Variants in SNX13 observed in about 807,000 individuals in gnomAD.
The protein encoded by SNX13 is sorting nexin 13.
SNX13 carries 45 observed loss-of-function variants against 133.6 expected under a neutral mutation model. The ratio of observed to expected loss-of-function variants is 0.34; its 90% confidence interval spans 0.27 to 0.43. SNX13 has a LOEUF of 0.43. SNX13 is among the 20% of genes least tolerant of loss of function. The probability of loss-of-function intolerance (pLI) is 1.00; values close to 1 mark genes in which losing one functional copy is unlikely to be tolerated. For missense variants in SNX13, 1,032 were observed against 1,145.1 expected (o/e 0.90, Z 1.43); for synonymous variants, 414 against 373.9 (o/e 1.11, Z -1.24).
intron 9 of SNX13, among the ~76,000 whole-genome samples, chr7:17,856,350 T>C (rs1791881159): frequency 6.6e-6 from 1 of 152,084 alleles, no homozygotes; most frequent in African/African-American, 2.4e-5. Context: ...AATTAAAACA[T>C]ACTACCAGAG....
intron 20 of SNX13, among the ~76,000 whole-genome samples, chr7:17,811,218 G>A (rs1562678002): frequency 6.6e-6 from 1 of 152,170 alleles, no homozygotes; most frequent in Admixed American, 6.5e-5. Flanking sequence ...AATTATCTCT[G>A]TTTGCAGATG....
chr7:17,801,677 T>C lies in SNX13; in HGVS notation c.2227-18A>G, dbSNP rs779823578. ...GGAGGCACCTAAAAATAAAACCAAA[T>C]CCACAAAGTAAACACACTAAAGCAG... On this transcript the variant is annotated intron_variant, in intron 21 of 25. Transcript: ENST00000428135. 1 of 1,584,954 alleles carries C rather than the reference T, an allele frequency of 6.3e-7. No individual in the cohort carries two copies. Among genetic ancestry groups the C allele is most frequent in the Non-Finnish European group, 8.6e-7 (1 of 1,161,996 alleles).
chr7:17,829,317 T>C (rs1788229037), intron 16 of SNX13, among the ~76,000 whole-genome samples: 1 of 151,508 alleles, frequency 6.6e-6, no homozygotes, highest in African/African-American at 2.4e-5. Context: ...AACGCTAATA[T>C]TTCTTCCTAA....
intron 5 of SNX13, chr7:17,882,621 TA>T (rs201649630): frequency 8.7e-4 from 164 of 189,200 alleles, no homozygotes; most frequent in South Asian, 1.9e-3. Flanking sequence ...CCTATATACT[TA>T]AAAAAAAATA....
chr7:17,912,680 G>A (rs1034167966), intron 1 of SNX13, among the ~76,000 whole-genome samples: 1 of 152,124 alleles, frequency 6.6e-6, no homozygotes, highest in African/African-American at 2.4e-5. Flanking sequence ...TCAAAGTGCT[G>A]GGATTACAGG....
At chr7:17,859,213 T>G (rs1336815829) in intron 9 of SNX13, among the ~76,000 whole-genome samples, 1 of 152,056 alleles carries the variant, frequency 6.6e-6, no homozygotes, top group East Asian at 1.9e-4. Context: ...AGAACTTCTA[T>G]GTAGAATATA....
intron 5 of SNX13, among the ~76,000 whole-genome samples, chr7:17,885,923 CTGTAA>C: frequency 6.6e-6 from 1 of 152,164 alleles, no homozygotes; most frequent in Non-Finnish European, 1.5e-5. Flanking sequence ...TTTTGCTGTA[CTGTAA>C]TAAATATAAT....
chr7:17,802,555 T>G (rs182999751), intron 21 of SNX13, among the ~76,000 whole-genome samples: 92 of 152,184 alleles, frequency 6.0e-4, no homozygotes, highest in Admixed American at 2.8e-3. Context: ...ATATGAGTAA[T>G]GAACAGCAGA....
intron 1 of SNX13, among the ~76,000 whole-genome samples, chr7:17,924,177 T>C (rs914600134): frequency 1.3e-5 from 2 of 152,168 alleles, no homozygotes; most frequent in African/African-American, 4.8e-5. Context: ...AATGACACCA[T>C]CAAGAAAATG....
At chr7:17,810,255 A>T (rs1347318668) in intron 20 of SNX13, among the ~76,000 whole-genome samples, 2 of 152,164 alleles carry the variant, frequency 1.3e-5, no homozygotes, top group Non-Finnish European at 2.9e-5. Flanking sequence ...GAGAAGAATC[A>T]AATAGACACA....
At position 17,826,107 on chromosome 7, in the gene SNX13, C is replaced by G. The variant is rs986207652; in HGVS notation, c.1636-16G>C. The G allele has an allele frequency of 2.0e-6, 3 of 1,510,386 alleles. No homozygotes were observed. The highest frequency in any genetic ancestry group is 2.7e-6 in the Non-Finnish European group (3 of 1,125,494). 93.6% of individuals were successfully genotyped at this position (1,510,386 alleles called of 1,614,324 possible). ...CATCTAAAGACTGAGAAAAAAAAATCAGGAAACAAATTTTTAAAATTTTAT... is the reference window on the plus strand; with the variant it reads ...CATCTAAAGACTGAGAAAAAAAAATGAGGAAACAAATTTTTAAAATTTTAT... On this transcript the variant is annotated splice_polypyrimidine_tract_variant and intron_variant, in intron 16 of 25. Transcript: ENST00000428135.
At chr7:17,889,847 T>C (rs1056223822) in intron 5 of SNX13, 2 of 152,158 alleles carry the variant, frequency 1.3e-5, no homozygotes, top group African/African-American at 4.8e-5. Context: ...CTCACCAAAA[T>C]ATACTTCTTT....
chr7:17,928,150 C>G (rs1281746750), intron 1 of SNX13, among the ~76,000 whole-genome samples: 1 of 152,182 alleles, frequency 6.6e-6, no homozygotes, highest in Non-Finnish European at 1.5e-5. Context: ...CACTTCATTT[C>G]TTTCTTATGA....
chr7:17,938,776 G>C (rs1156748426), intron 1 of SNX13, among the ~76,000 whole-genome samples: 1 of 152,098 alleles, frequency 6.6e-6, no homozygotes, highest in Non-Finnish European at 1.5e-5. Flanking sequence ...CTAAGTTTAA[G>C]GAAAAGATCA....
At chr7:17,868,158 A>AT (rs914283776) in intron 9 of SNX13, 5 of 381,598 alleles carry the variant, frequency 1.3e-5, no homozygotes, top group East Asian at 5.3e-5. Context: ...AAAATATTCT[A>AT]TTTTTTTAAA....
At chr7:17,827,142 C>T (rs374517507) in intron 16 of SNX13, among the ~76,000 whole-genome samples, 5 of 152,044 alleles carry the variant, frequency 3.3e-5, no homozygotes, top group African/African-American at 9.6e-5. Context: ...GGCAACATTT[C>T]ACATGTGTTG....
intron 1 of SNX13, among the ~76,000 whole-genome samples, chr7:17,905,185 A>G (rs1385245815): frequency 6.6e-6 from 1 of 152,144 alleles, no homozygotes; most frequent in Non-Finnish European, 1.5e-5. Flanking sequence ...TAAATATGAA[A>G]CTAAGTAATG....
At chr7:17,929,772 A>G (rs1801182014) in intron 1 of SNX13, among the ~76,000 whole-genome samples, 1 of 152,208 alleles carries the variant, frequency 6.6e-6, no homozygotes, top group Non-Finnish European at 1.5e-5. Context: ...CTGGTTAGCC[A>G]AAAATTGTGG....
At chr7:17,807,514 T>C (rs925378059) in intron 20 of SNX13, among the ~76,000 whole-genome samples, 1 of 152,094 alleles carries the variant, frequency 6.6e-6, no homozygotes, top group African/African-American at 2.4e-5. Context: ...GAGCACCTGG[T>C]GAAAGGTGCG....
Sources: allele counts gnomAD v4.1 joint callset (sites outside exome capture counted in the v4.1 genomes callset), GRCh38; gene constraint gnomAD v4.1.1; transcripts MANE v1.5; gene names NCBI Gene and HGNC (gene_info 2026-07-23, HGNC 2026-07-21).